Variants in RHNO1 observed in about 807,000 individuals in gnomAD.
The protein encoded by RHNO1 is RAD9, HUS1, RAD1-interacting nuclear orphan protein 1.
RHNO1 carries 9 observed loss-of-function variants against 7.2 expected under a neutral mutation model. The ratio of observed to expected loss-of-function variants is 1.25; its 90% confidence interval spans 0.75 to 2.18. RHNO1 has a LOEUF of 2.18. Ranked by LOEUF, RHNO1 falls within the 30% of genes most tolerant of loss-of-function variation. RHNO1 has a pLI of 0.00. For synonymous variants in RHNO1, 95 were observed against 107.5 expected (o/e 0.88, Z 0.72); for missense variants, 292 against 284.5 (o/e 1.03, Z -0.19).
At chr12:2,882,953 G>A (rs2098159919) in intron 1 of RHNO1, among the ~76,000 whole-genome samples, 1 of 151,500 alleles carries the variant, frequency 6.6e-6, no homozygotes, top group African/African-American at 2.4e-5. Context: ...TGTAGTTCCA[G>A]CTACTCAGGA....
chr12:2,884,393 G>A (rs2334870), intron 1 of RHNO1, among the ~76,000 whole-genome samples: 69,672 of 152,098 alleles, frequency 0.46, 17,229 homozygotes, highest in East Asian at 0.64. Flanking sequence ...CGCCCAGCTA[G>A]TTTTTGTATT....
intron 1 of RHNO1, among the ~76,000 whole-genome samples, chr12:2,878,581 T>G (rs1434378477): frequency 6.6e-6 from 1 of 151,950 alleles, no homozygotes; most frequent in Non-Finnish European, 1.5e-5. Context: ...ATTTGCATTT[T>G]AAAAGGTCCC....
intron 1 of RHNO1, among the ~76,000 whole-genome samples, chr12:2,879,056 G>T (rs897404017): frequency 2.0e-5 from 3 of 151,716 alleles, no homozygotes; most frequent in Admixed American, 6.6e-5. Context: ...CTGAAGTCCA[G>T]TGGCATGACC....
At chr12:2,881,238 GA>G (rs2098157182) in intron 1 of RHNO1, among the ~76,000 whole-genome samples, 1 of 151,822 alleles carries the variant, frequency 6.6e-6, no homozygotes, top group South Asian at 2.1e-4. Context: ...GAGTAGCAGG[GA>G]TTATAGGTGT....
rs145733432 is a variant in RHNO1 at position 2,888,230 on chromosome 12, C to A, written c.488C>A (p.Ser163Ter). 9.1e-5 allele frequency: 147 copies of A among 1,613,964 alleles called. No individual in the cohort carries two copies. The East Asian group carries it at 3.2e-3, about 35-fold the overall frequency. Residue 163 changes from serine (S) to a stop codon, truncating the protein, a stop_gained, in exon 3 of 3, where the codon TCG becomes TAG. Coordinates refer to ENST00000489288, the MANE Select transcript of RHNO1 (RefSeq NM_001252499.3). LOFTEE classifies it low-confidence loss of function (END_TRUNC). ...IPPDIQTPESSSVKEELIPQD... is the reference protein window; with the variant it reads ...IPPDIQTPES ...CCTGATATCCAGACCCCAGAGTCAT[C>A]GTCTGTGAAGGAAGAACTCATTCCC...
intron 1 of RHNO1, among the ~76,000 whole-genome samples, chr12:2,883,150 G>A (rs537244138): frequency 1.5e-3 from 225 of 151,276 alleles, no homozygotes; most frequent in African/African-American, 4.8e-3. Flanking sequence ...AGGCTGAGGT[G>A]CGCAGATAGC....
chr12:2,883,611 G>C (rs528494320), intron 1 of RHNO1, among the ~76,000 whole-genome samples: 1 of 145,872 alleles, frequency 6.9e-6, no homozygotes, highest in African/African-American at 2.5e-5. Context: ...TCCGCCTCCC[G>C]GGTTCAAGCG....
chr12:2,881,728 A>C (rs1161307662), intron 1 of RHNO1, among the ~76,000 whole-genome samples: 1 of 151,682 alleles, frequency 6.6e-6, no homozygotes, highest in African/African-American at 2.4e-5. Context: ...AACATAGCGA[A>C]ACCCCGTCTC....
chr12:2,884,017 G>T (rs1445046285), intron 1 of RHNO1, among the ~76,000 whole-genome samples: 1 of 151,932 alleles, frequency 6.6e-6, no homozygotes, highest in African/African-American at 2.4e-5. Flanking sequence ...AAATTCTTCT[G>T]CTTAAAGTCC....
In RHNO1 at chr12:2,888,306, T is replaced by A. The variant is rs143069114; in HGVS notation, c.564T>A (p.Thr188=). ...SLLSCTLHTG[T]PNSPEPGPVL... Reference sequence around the variant, plus strand: ...TAAGCTGCACTCTTCACACTGGCACTCCTAATAGCCCAGAGCCTGGACCTG... The same window carrying A: ...TAAGCTGCACTCTTCACACTGGCACACCTAATAGCCCAGAGCCTGGACCTG... Residue 188 remains threonine (T), a synonymous_variant, in exon 3 of 3, where the codon ACT becomes ACA. Coordinates refer to ENST00000489288, the MANE Select transcript of RHNO1 (RefSeq NM_001252499.3). 6.8e-6 allele frequency: 11 copies of A among 1,613,908 alleles called. No individual in the cohort carries two copies. Among genetic ancestry groups the A allele is most frequent in the Non-Finnish European group, 8.5e-6 (10 of 1,180,020 alleles).
chr12:2,886,023 G>A (rs570387320), intron 2 of RHNO1: 2 of 152,940 alleles, frequency 1.3e-5, no homozygotes, highest in Admixed American at 1.3e-4. Flanking sequence ...TGGGGGCGGG[G>A]GCAAGGAGTT....
rs116124944 is a variant in RHNO1 at position 2,883,199 on chromosome 12, C to T, written c.-84-2084C>T. Among the ~76,000 whole-genome samples, 201 of 150,478 alleles carry T rather than the reference C, an allele frequency of 1.3e-3. 1 individual carries two copies. Among genetic ancestry groups the T allele is most frequent in the African/African-American group, 4.9e-3 (200 of 41,114 alleles). Reference sequence around the variant, plus strand: ...TTCAAGACTAGCCTGGGCAATACAACGAAACCCTATTTCTACAAAAATACG... The same window carrying T: ...TTCAAGACTAGCCTGGGCAATACAATGAAACCCTATTTCTACAAAAATACG... On this transcript the variant is annotated intron_variant, in intron 1 of 2. Coordinates refer to ENST00000489288, the MANE Select transcript of RHNO1 (RefSeq NM_001252499.3).
At chr12:2,882,206 G>GC (rs2098158712) in intron 1 of RHNO1, among the ~76,000 whole-genome samples, 1 of 151,184 alleles carries the variant, frequency 6.6e-6, no homozygotes, top group Non-Finnish European at 1.5e-5. Flanking sequence ...CTTTGGGTGG[G>GC]CGAGGCAGAA....
chr12:2,879,575 C>T (rs1354217822), intron 1 of RHNO1, among the ~76,000 whole-genome samples: 1 of 151,906 alleles, frequency 6.6e-6, no homozygotes, highest in African/African-American at 2.4e-5. Flanking sequence ...CTCAAGCGAT[C>T]TGCCCACCCC....
intron 1 of RHNO1, among the ~76,000 whole-genome samples, chr12:2,884,884 C>G (rs1402205275): frequency 6.6e-6 from 1 of 152,164 alleles, no homozygotes; most frequent in East Asian, 1.9e-4. Flanking sequence ...GGTCAGGTAT[C>G]TCCCTTTCCA....
intron 1 of RHNO1, among the ~76,000 whole-genome samples, chr12:2,883,511 A>T (rs11610198): frequency 0.017 from 447 of 26,808 alleles, 15 homozygotes; most frequent in African/African-American, 0.021. Context: ...ATATATATAT[A>T]TTTTTTTTTT....
At chr12:2,881,970 G>T (rs1394762536) in intron 1 of RHNO1, among the ~76,000 whole-genome samples, 3 of 150,028 alleles carry the variant, frequency 2.0e-5, no homozygotes, top group Non-Finnish European at 4.4e-5. Flanking sequence ...TATCTCTACT[G>T]CCTAGTCATA....
intron 1 of RHNO1, among the ~76,000 whole-genome samples, chr12:2,882,897 A>G (rs7965966): frequency 0.44 from 66,829 of 151,624 alleles, 15,631 homozygotes; most frequent in East Asian, 0.64. Flanking sequence ...CCTCATCTCT[A>G]TAAAAAATGT....
rs1432685008 is a variant in RHNO1 at position 2,888,488 on chromosome 12, GAT to G, written c.*32_*33del. 8 of 1,509,354 alleles carry G rather than the reference GAT, an allele frequency of 5.3e-6. No individual in the cohort carries two copies. The highest frequency in any genetic ancestry group is 8.9e-7 in the Non-Finnish European group (1 of 1,127,518). 93.5% of individuals were successfully genotyped at this position (1,509,354 alleles called of 1,614,324 possible). A position where few individuals can be genotyped will look rare whatever the true frequency, so the allele number is the denominator to read the frequency against. On this transcript the variant is annotated 3_prime_UTR_variant, in exon 3 of 3. Transcript: ENST00000489288. The stretch of plus-strand genomic sequence containing the variant: ...CCATCAGTAATCTCAATAGAAAAGA[GAT>G]ATGTTTTCTGGAGTCATAAAGGAAT...
Sources: allele counts gnomAD v4.1 joint callset (sites outside exome capture counted in the v4.1 genomes callset), GRCh38; gene constraint gnomAD v4.1.1; transcripts MANE v1.5; gene names NCBI Gene and HGNC (gene_info 2026-07-23, HGNC 2026-07-21).